The following NPAS3 variants were observed in gnomAD, a reference collection of about 807,000 sequenced individuals.
The protein encoded by NPAS3 is neuronal PAS domain-containing protein 3.
In NPAS3, 14 loss-of-function variants were observed where a neutral mutation model predicts 73.1. That is an observed-to-expected ratio of 0.19 (90% CI 0.13 to 0.30). NPAS3 has a LOEUF of 0.30. NPAS3 is among the 10% of genes least tolerant of loss of function. The probability of loss-of-function intolerance (pLI) is 1.00; values close to 1 mark genes in which losing one functional copy is unlikely to be tolerated. For synonymous variants in NPAS3, 620 were observed against 541.5 expected (o/e 1.14, Z -2.01); for missense variants, 1,096 against 1,250.0 (o/e 0.88, Z 1.86).
At chr14:33,475,107 A>G (rs1031290531) in intron 4 of NPAS3, among the ~76,000 whole-genome samples, 9 of 152,098 alleles carry the variant, frequency 5.9e-5, no homozygotes, top group Non-Finnish European at 8.8e-5. Flanking sequence ...AGCCACATAG[A>G]TGGAAACATA....
intron 5 of NPAS3, among the ~76,000 whole-genome samples, chr14:33,576,596 A>C (rs770693101): frequency 6.6e-6 from 1 of 152,172 alleles, no homozygotes; most frequent in African/African-American, 2.4e-5. Context: ...AAGGAGAGGG[A>C]GATCTCAATA....
At chr14:33,093,732 G>A (rs184247972) in intron 2 of NPAS3, among the ~76,000 whole-genome samples, 3 of 152,246 alleles carry the variant, frequency 2.0e-5, no homozygotes, top group African/African-American at 4.8e-5. Context: ...ATGTCCATCA[G>A]TGATAGACTG....
rs542782610 is a variant in NPAS3 at position 32,960,929 on chromosome 14, C to T, written c.50+21563C>T. ...TGTGTTTAAACATGTTCACTAACCT[C>T]TGGAAGTATTTAGAGAAATGTTTGT... On this transcript the variant is annotated intron_variant, in intron 1 of 11. Coordinates refer to ENST00000356141, the Ensembl canonical transcript of NPAS3. Among the ~76,000 whole-genome samples the T allele has an allele frequency of 5.9e-5, 9 of 152,278 alleles. No individual in the cohort carries two copies. The South Asian group carries it at 1.7e-3, about 28-fold the overall frequency.
chr14:33,352,396 A>G (rs1350095110), intron 3 of NPAS3, among the ~76,000 whole-genome samples: 1 of 152,222 alleles, frequency 6.6e-6, no homozygotes, highest in Admixed American at 6.5e-5. Context: ...AGAGATTAAA[A>G]ATTAAGATTG....
chr14:33,717,758 A>G (rs1042399430), intron 6 of NPAS3, among the ~76,000 whole-genome samples: 1 of 152,172 alleles, frequency 6.6e-6, no homozygotes, highest in Non-Finnish European at 1.5e-5. Context: ...TTTAAAGTAC[A>G]TGGTCATAGA....
At position 32,968,624 on chromosome 14, in the gene NPAS3, A is replaced by G. The variant is rs151252075; in HGVS notation, c.50+29258A>G. Among the ~76,000 whole-genome samples the G allele has an allele frequency of 8.3e-4, 126 of 152,292 alleles. 1 individual carries two copies. In the East Asian group the frequency reaches 0.022, roughly 27 times the overall value. On this transcript the variant is annotated intron_variant, in intron 1 of 11. Transcript: ENST00000356141. ...CACTTTAAATCATATTACTTTGCAT[A>G]ACTAATATGCTTGTGCAACAACATT...
intron 1 of NPAS3, among the ~76,000 whole-genome samples, chr14:32,974,328 G>A (rs896770117): frequency 6.6e-6 from 1 of 152,196 alleles, no homozygotes; most frequent in African/African-American, 2.4e-5. Context: ...TGGAAAAATG[G>A]TGATAATAAT....
intron 4 of NPAS3, among the ~76,000 whole-genome samples, chr14:33,485,424 C>T (rs533763697): frequency 1.3e-5 from 2 of 152,252 alleles, no homozygotes; most frequent in South Asian, 4.1e-4. Flanking sequence ...GAAGATTGCT[C>T]GGTACCCATC....
intron 3 of NPAS3, among the ~76,000 whole-genome samples, chr14:33,294,636 T>C (rs2140123948): frequency 6.6e-6 from 1 of 152,336 alleles, no homozygotes; most frequent in East Asian, 1.9e-4. Context: ...TTTAATCACG[T>C]GATGATTTAA....
intron 2 of NPAS3, among the ~76,000 whole-genome samples, chr14:33,174,776 T>C (rs1320528963): frequency 6.6e-6 from 1 of 152,034 alleles, no homozygotes; most frequent in African/African-American, 2.4e-5. Flanking sequence ...AATTTTAGGA[T>C]GGAGTGGAGA....
intron 3 of NPAS3, among the ~76,000 whole-genome samples, chr14:33,286,421 T>A (rs1316671930): frequency 6.6e-6 from 1 of 152,234 alleles, no homozygotes; most frequent in African/African-American, 2.4e-5. Context: ...CATAGTTGTT[T>A]TAAAAAAATT....
At chr14:33,571,430 A>G (rs1366880421) in intron 5 of NPAS3, among the ~76,000 whole-genome samples, 3 of 152,176 alleles carry the variant, frequency 2.0e-5, no homozygotes, top group African/African-American at 7.2e-5. Context: ...AAAGGAATTT[A>G]GTTGAGCAGA....
rs112991019 is a variant in NPAS3, at chr14:33,530,176, C to T, written c.469-29945C>T. ...TTTAGTGAGTTTAGATATTACAAAA[C>T]GGTTTAATTATAAAAACAGACAGAC... On this transcript the variant is annotated intron_variant, in intron 4 of 11. Coordinates refer to ENST00000356141, the Ensembl canonical transcript of NPAS3. Among the ~76,000 whole-genome samples, 923 of 152,160 alleles carry T rather than the reference C, an allele frequency of 6.1e-3. 10 individuals carry two copies. Among genetic ancestry groups the T allele is most frequent in the African/African-American group, 0.021 (877 of 41,518 alleles).
At chr14:33,013,769 AG>A (rs2039295052) in intron 1 of NPAS3, among the ~76,000 whole-genome samples, 1 of 152,118 alleles carries the variant, frequency 6.6e-6, no homozygotes, top group South Asian at 2.1e-4. Flanking sequence ...ATCTGATTTC[AG>A]TATTTTGTTT....
chr14:32,975,858 GGC>G (rs1566422797), intron 1 of NPAS3, among the ~76,000 whole-genome samples: 1 of 119,706 alleles, frequency 8.4e-6, no homozygotes, highest in African/African-American at 3.7e-5. Context: ...GGTGGTGAGG[GGC>G]GTGTGTGTGT....
At position 33,693,485 on chromosome 14, in the gene NPAS3, A is replaced by T. The variant is rs897427574; in HGVS notation, c.733+17100A>T. Among the ~76,000 whole-genome samples, 4 of 152,090 alleles carry T rather than the reference A, an allele frequency of 2.6e-5. No individual in the cohort carries two copies. The Admixed American group carries it at 2.6e-4, about 10-fold the overall frequency. ...GTTTACATGATCCCGTCAATGTGGT[A>T]AATTCAGTGAAATAACTAGTCACTT... is the stretch of plus-strand genomic sequence containing the variant. On this transcript the variant is annotated intron_variant, in intron 6 of 11. Transcript: ENST00000356141.
intron 4 of NPAS3, among the ~76,000 whole-genome samples, chr14:33,480,836 A>T (rs1321376542): frequency 6.6e-6 from 1 of 151,950 alleles, no homozygotes; most frequent in African/African-American, 2.4e-5. Context: ...CTCTGCATTG[A>T]CAGTGATGCT....
intron 4 of NPAS3, among the ~76,000 whole-genome samples, chr14:33,479,258 C>T (rs2051194765): frequency 6.6e-6 from 1 of 152,044 alleles, no homozygotes; most frequent in South Asian, 2.1e-4. Context: ...ATGCATGTTG[C>T]CTGCACTTAC....
chr14:32,962,938 C>T (rs1401690660), intron 1 of NPAS3, among the ~76,000 whole-genome samples: 1 of 149,466 alleles, frequency 6.7e-6, no homozygotes, highest in Non-Finnish European at 1.5e-5. Flanking sequence ...TGGCCTTGGT[C>T]TCCTGGGTTC....
Sources: allele counts gnomAD v4.1 joint callset (sites outside exome capture counted in the v4.1 genomes callset), GRCh38; gene constraint gnomAD v4.1.1; transcripts MANE v1.5; gene names NCBI Gene and HGNC (gene_info 2026-07-23, HGNC 2026-07-21).